Variants in THEMIS observed in about 807,000 individuals in gnomAD.
The protein encoded by THEMIS is thymocyte selection associated, also known as protein THEMIS.
Under a neutral mutation model 52.6 loss-of-function variants are expected in THEMIS, and 37 were observed. That is an observed-to-expected ratio of 0.70 (90% confidence interval 0.54 to 0.93). THEMIS has a LOEUF of 0.93. Ranked by LOEUF, THEMIS falls within the 40% of genes least tolerant of loss-of-function variation. The pLI, the probability that THEMIS is intolerant of heterozygous loss-of-function variation, is 0.00. For missense variants in THEMIS, 808 were observed against 763.1 expected (o/e 1.06, Z -0.69); for synonymous variants, 292 against 272.7 (o/e 1.07, Z -0.70).
At chr6:127,914,597 T>C (rs527500029) in intron 1 of THEMIS, among the ~76,000 whole-genome samples, 2 of 152,308 alleles carry the variant, frequency 1.3e-5, no homozygotes, top group African/African-American at 4.8e-5. Flanking sequence ...TGTAACACAG[T>C]GGTGTTTTTG....
At chr6:127,827,420 A>G (rs772338401) in intron 3 of THEMIS, among the ~76,000 whole-genome samples, 16 of 152,244 alleles carry the variant, frequency 1.1e-4, no homozygotes, top group Non-Finnish European at 2.2e-4. Flanking sequence ...CTATGAAATT[A>G]ACGATCCAGT....
At chr6:127,915,370 T>G (rs1197366185) in intron 1 of THEMIS, among the ~76,000 whole-genome samples, 1 of 152,158 alleles carries the variant, frequency 6.6e-6, no homozygotes, top group African/African-American at 2.4e-5. Flanking sequence ...GTCCCCTAAG[T>G]TTGTGGCTTG....
intron 4 of THEMIS, among the ~76,000 whole-genome samples, chr6:127,762,076 TA>T (rs1776041325): frequency 6.6e-6 from 1 of 152,098 alleles, no homozygotes; most frequent in East Asian, 1.9e-4. Context: ...TCAGATTTTT[TA>T]AAAAAGAAGG....
At chr6:127,822,813 T>C (rs1449306966) in intron 3 of THEMIS, among the ~76,000 whole-genome samples, 2 of 152,038 alleles carry the variant, frequency 1.3e-5, no homozygotes, top group Non-Finnish European at 2.9e-5. Flanking sequence ...ATCTAATCAG[T>C]TGGTGGTCTT....
At chr6:127,722,330 G>T (rs1039905250) in intron 4 of THEMIS, among the ~76,000 whole-genome samples, 1 of 151,876 alleles carries the variant, frequency 6.6e-6, no homozygotes. Context: ...TGTTTACTTA[G>T]CCCCTCCTTC....
chr6:127,806,376 T>C (rs775978658), intron 4 of THEMIS, among the ~76,000 whole-genome samples: 1 of 152,196 alleles, frequency 6.6e-6, no homozygotes, highest in Non-Finnish European at 1.5e-5. Flanking sequence ...TATTTGGTGG[T>C]ATTTTTGTTC....
At chr6:127,812,806 C>T in intron 4 of THEMIS, 77 bp downstream of exon 4, 7 of 1,418,224 alleles carry the variant, frequency 4.9e-6, no homozygotes, top group Non-Finnish European at 6.7e-6. Flanking sequence ...GTAAGCAAAA[C>T]ACACTCAGAA....
intron 3 of THEMIS, among the ~76,000 whole-genome samples, chr6:127,827,724 A>G (rs1328575028): frequency 1.3e-5 from 2 of 152,132 alleles, no homozygotes; most frequent in Non-Finnish European, 2.9e-5. Context: ...TTAAATACCC[A>G]TCAAGCCCAA....
intron 1 of THEMIS, among the ~76,000 whole-genome samples, chr6:127,907,612 T>G (rs1781308599): frequency 6.6e-6 from 1 of 151,916 alleles, no homozygotes; most frequent in South Asian, 2.1e-4. Context: ...ACTTTGGATT[T>G]TATTAGGCAG....
chr6:127,790,600 G>A (rs906920088), intron 4 of THEMIS, among the ~76,000 whole-genome samples: 2 of 152,208 alleles, frequency 1.3e-5, no homozygotes, highest in Admixed American at 1.3e-4. Context: ...TTCAGGTGTC[G>A]CTTTTCTGTC....
chr6:127,753,130 A>G (rs1775704590), intron 4 of THEMIS, among the ~76,000 whole-genome samples: 1 of 151,964 alleles, frequency 6.6e-6, no homozygotes, highest in Non-Finnish European at 1.5e-5. Flanking sequence ...ATGATTTAAA[A>G]AACTCATTAA....
At chr6:127,870,825 G>C (rs138222172) in intron 1 of THEMIS, among the ~76,000 whole-genome samples, 8 of 152,206 alleles carry the variant, frequency 5.3e-5, no homozygotes, top group African/African-American at 1.9e-4. Context: ...AAAGAACAGG[G>C]CTGAGAAATA....
rs58263706 is a variant in THEMIS at position 127,731,864 on chromosome 6, A to ATTTTTTTTTTTTTTTTTTTTTTT, written c.1759-12064_1759-12042dup. ...AGGTGCATGCCACCATGCCCGGCTA[A>ATTTTTTTTTTTTTTTTTTTTTTT]TTTTTTTTTTTTTTTTTTTTTTTAG... On this transcript the variant is annotated intron_variant, in intron 4 of 5. Coordinates refer to ENST00000368248, the MANE Select transcript of THEMIS (RefSeq NM_001010923.3). Among the ~76,000 whole-genome samples, 18 of 41,716 alleles carry ATTTTTTTTTTTTTTTTTTTTTTT rather than the reference A, an allele frequency of 4.3e-4. 5 individuals carry two copies. The highest frequency in any genetic ancestry group is 1.1e-3 in the African/African-American group (10 of 9,488). 27.4% of individuals were successfully genotyped at this position (41,716 alleles called of 152,430 possible).
At chr6:127,907,730 A>G (rs1562334036) in intron 1 of THEMIS, among the ~76,000 whole-genome samples, 1 of 152,082 alleles carries the variant, frequency 6.6e-6, no homozygotes, top group African/African-American at 2.4e-5. Flanking sequence ...AAACAAAATC[A>G]TAGTACACCC....
chr6:127,765,987 T>G (rs1776185239), intron 4 of THEMIS, among the ~76,000 whole-genome samples: 1 of 152,148 alleles, frequency 6.6e-6, no homozygotes, highest in Non-Finnish European at 1.5e-5. Flanking sequence ...TTTTATTGAT[T>G]CTCAACCTAG....
At chr6:127,778,803 G>T (rs754058035) in intron 4 of THEMIS, among the ~76,000 whole-genome samples, 15 of 149,160 alleles carry the variant, frequency 1.0e-4, no homozygotes, top group Non-Finnish European at 1.9e-4. Context: ...GTTTATTAAA[G>T]TCTAGTCCTA....
chr6:127,861,820 G>GAAAAGA (rs1779812106), intron 1 of THEMIS, among the ~76,000 whole-genome samples: 2 of 132,228 alleles, frequency 1.5e-5, no homozygotes, highest in Non-Finnish European at 3.3e-5. Context: ...AGAAAGAAAA[G>GAAAAGA]AAAAAAAAGA....
chr6:127,767,336 C>T (rs1440307866), intron 4 of THEMIS, among the ~76,000 whole-genome samples: 1 of 152,162 alleles, frequency 6.6e-6, no homozygotes, highest in Non-Finnish European at 1.5e-5. Flanking sequence ...AAGTGATCTG[C>T]CAGCCTTGGC....
At chr6:127,852,482 A>G (rs993326143) in intron 2 of THEMIS, among the ~76,000 whole-genome samples, 1 of 151,590 alleles carries the variant, frequency 6.6e-6, no homozygotes, top group African/African-American at 2.4e-5. Flanking sequence ...TCCAAAAAAA[A>G]CAAGTCTCAA....
Sources: allele counts gnomAD v4.1 joint callset (sites outside exome capture counted in the v4.1 genomes callset), GRCh38; gene constraint gnomAD v4.1.1; transcripts MANE v1.5; gene names NCBI Gene and HGNC (gene_info 2026-07-23, HGNC 2026-07-21).